NHSL1: variants seen among roughly 807,000 people sequenced by gnomAD.
NHSL1 encodes NHS-like protein 1.
NHSL1 carries 48 observed loss-of-function variants against 95.0 expected under a neutral mutation model. That is an observed-to-expected ratio of 0.51 (90% CI 0.40 to 0.64). The LOEUF (loss-of-function observed/expected upper bound fraction) is 0.64. Ranked by LOEUF, NHSL1 falls within the 30% of genes least tolerant of loss-of-function variation. The pLI is 0.00. For synonymous variants in NHSL1, 783 were observed against 833.9 expected, an observed-to-expected ratio of 0.94 and a Z score of 1.05; for missense variants, 1,971 against 2,077.7, an observed-to-expected ratio of 0.95 and a Z score of 1.00.
In NHSL1 at chr6:138,433,280, G is replaced by A; in HGVS notation, c.1065C>T (p.Leu355=). The A allele has an allele frequency of 1.9e-6, 3 of 1,551,638 alleles. No individual in the cohort carries two copies. Among genetic ancestry groups the A allele is most frequent in the Non-Finnish European group, 2.6e-6 (3 of 1,146,980 alleles). ...CTGCTTGTGGGTGACCTCTCTGGTA[G>A]AGGAAAGTGCCATTCATGTCTCCTG... ...GPAGDMNGTF[L]YQRGHPQADE... Residue 355 remains leucine (L), a synonymous_variant, in exon 6 of 8, where the codon CTC becomes CTT. Transcript: ENST00000343505.
chr6:138,429,669 A>G, intron 7 of NHSL1, 42 bp downstream of exon 7: 3 of 1,507,114 alleles, frequency 2.0e-6, no homozygotes, highest in Non-Finnish European at 2.7e-6. Context: ...GAAAGAAGGA[A>G]TTACACAGTA....
intron 1 of NHSL1, among the ~76,000 whole-genome samples, chr6:138,659,174 T>C (rs560737267): frequency 6.6e-6 from 1 of 151,310 alleles, no homozygotes; most frequent in Non-Finnish European, 1.5e-5. Flanking sequence ...CTTAGCCTCC[T>C]GAGACGCTGG....
At chr6:138,565,453 T>G (rs1229639391) in intron 1 of NHSL1, among the ~76,000 whole-genome samples, 1 of 151,842 alleles carries the variant, frequency 6.6e-6, no homozygotes, top group East Asian at 1.9e-4. Flanking sequence ...TGTAGACTCA[T>G]GGATGGATCA....
intron 1 of NHSL1, among the ~76,000 whole-genome samples, chr6:138,654,695 G>GT (rs1785133931): frequency 6.6e-6 from 1 of 151,730 alleles, no homozygotes. Context: ...CACATATTTT[G>GT]TTTTTTAAAT....
At chr6:138,473,564 T>G (rs577171937) in intron 2 of NHSL1, 131 bp from the exon 3 acceptor site, 324 of 1,063,338 alleles carry the variant, frequency 3.0e-4, no homozygotes, top group South Asian at 4.3e-4. Context: ...GATTTTAAAA[T>G]AATGATAAAA....
Position 138,622,917 on chromosome 6 carries a change from G to A in NHSL1, c.96+69559C>T, listed in dbSNP as rs532541595. ...GTGGCTGCTACAGAAGTAATGGAGC[G>A]CAGGGCAGAGGCGATAAAGTAGGTA... On this transcript the variant is annotated intron_variant, in intron 1 of 3. Coordinates refer to the NHSL1 transcript ENST00000491526. Among the ~76,000 whole-genome samples the A allele has an allele frequency of 1.1e-4, 16 of 152,266 alleles. 1 individual carries two copies. The East Asian group carries it at 2.5e-3, about 24-fold the overall frequency.
intron 1 of NHSL1, among the ~76,000 whole-genome samples, chr6:138,566,490 C>A (rs867108987): frequency 2.6e-5 from 4 of 151,894 alleles, no homozygotes; most frequent in South Asian, 2.1e-4. Flanking sequence ...TTAGCAAAGA[C>A]ATTTTAATGG....
chr6:138,523,750 G>A (rs570576269), intron 1 of NHSL1, among the ~76,000 whole-genome samples: 4 of 151,780 alleles, frequency 2.6e-5, no homozygotes, highest in Non-Finnish European at 5.9e-5. Context: ...TTGAAGTACT[G>A]AAGAAGATGA....
Position 138,431,430 on chromosome 6 carries a change from G to A in NHSL1, c.2915C>T (p.Pro972Leu), listed in dbSNP as rs1319067201. The A allele has an allele frequency of 5.2e-6, 8 of 1,550,630 alleles. No homozygotes were observed. Among genetic ancestry groups the A allele is most frequent in the East Asian group, 2.4e-5 (1 of 40,900 alleles). Residue 972 changes from proline to leucine, a missense_variant, in exon 6 of 8, where the codon CCC (proline) becomes CTC (leucine). By Grantham distance (98) the Pro-to-Leu change is moderately conservative. Transcript: ENST00000343505. The surrounding 1 kb of genome is among the most constrained non-coding windows in gnomAD (Gnocchi z 4.0). ...GSPLPHSPVF[P>L]PPPPEALIPF... is the part of the protein sequence containing the mutation. ...AATGAGAGCTTCTGGCGGCGGAGGGGGGAACACAGGAGAGTGAGGCAGAGG... is the reference window on the plus strand; with the variant it reads ...AATGAGAGCTTCTGGCGGCGGAGGGAGGAACACAGGAGAGTGAGGCAGAGG...
chr6:138,590,449 C>T (rs1359277801), intron 1 of NHSL1, among the ~76,000 whole-genome samples: 1 of 152,168 alleles, frequency 6.6e-6, no homozygotes, highest in Non-Finnish European at 1.5e-5. Context: ...CCCCTCACTC[C>T]CTGAGGAAAG....
chr6:138,559,553 A>G (rs1783333577), intron 1 of NHSL1, among the ~76,000 whole-genome samples: 1 of 152,214 alleles, frequency 6.6e-6, no homozygotes, highest in Admixed American at 6.5e-5. Context: ...CCACTACTCT[A>G]CACTGTTTCT....
intron 1 of NHSL1, among the ~76,000 whole-genome samples, chr6:138,690,558 T>C (rs886301866): frequency 4.6e-5 from 7 of 151,848 alleles, no homozygotes; most frequent in Non-Finnish European, 7.4e-5. Context: ...CTGACAAACA[T>C]GGCGAAACCC....
intron 3 of NHSL1, among the ~76,000 whole-genome samples, chr6:138,453,069 G>A (rs1777345527): frequency 1.3e-5 from 2 of 151,966 alleles, no homozygotes; most frequent in African/African-American, 4.8e-5. Context: ...CCGCCTCCCA[G>A]GTTCAAGCAA....
intron 1 of NHSL1, among the ~76,000 whole-genome samples, chr6:138,601,281 ATC>A (rs1760156743): frequency 6.6e-6 from 1 of 152,178 alleles, no homozygotes; most frequent in African/African-American, 2.4e-5. Context: ...TATTTTTTAA[ATC>A]TGTTATGTTC....
intron 1 of NHSL1, among the ~76,000 whole-genome samples, chr6:138,631,889 C>T (rs112435965): frequency 5.3e-5 from 8 of 152,190 alleles, no homozygotes; most frequent in African/African-American, 1.2e-4. Context: ...ATCTCAGCCA[C>T]GGGGAGGTAG....
At chr6:138,552,692 AG>A (rs1282964231) in intron 1 of NHSL1, among the ~76,000 whole-genome samples, 4 of 152,038 alleles carry the variant, frequency 2.6e-5, no homozygotes, top group Non-Finnish European at 5.9e-5. Context: ...TGAGTTTCCA[AG>A]TTGACCTGGG....
At chr6:138,690,090 C>A (rs2114805899) in intron 1 of NHSL1, among the ~76,000 whole-genome samples, 1 of 152,312 alleles carries the variant, frequency 6.6e-6, no homozygotes, top group South Asian at 2.1e-4. Context: ...ACTGGATTTC[C>A]TCTCTGGGTA....
At chr6:138,441,917 T>G in intron 5 of NHSL1, 66 bp downstream of exon 5, 1 of 1,385,258 alleles carries the variant, frequency 7.2e-7, no homozygotes. Context: ...GCACCATGAA[T>G]GAGGTTAGCG....
chr6:138,529,854 A>G (rs959900952), intron 1 of NHSL1, among the ~76,000 whole-genome samples: 2 of 152,236 alleles, frequency 1.3e-5, no homozygotes, highest in African/African-American at 4.8e-5. Context: ...GTCATTGATT[A>G]GTAACTTTAA....
Sources: allele counts gnomAD v4.1 joint callset (sites outside exome capture counted in the v4.1 genomes callset), GRCh38; gene constraint gnomAD v4.1.1; non-coding constraint Gnocchi (gnomAD v3.1); transcripts MANE v1.5; gene names NCBI Gene and HGNC (gene_info 2026-07-23, HGNC 2026-07-21).